The following CASKIN2 variants were observed in gnomAD, a reference collection of about 807,000 sequenced individuals.
The protein encoded by CASKIN2 is caskin-2.
Under a neutral mutation model 107.1 loss-of-function variants are expected in CASKIN2, and 41 were observed. The observed-to-expected ratio is 0.38, with a 90% CI of 0.30 to 0.50. CASKIN2 has a LOEUF of 0.50. Among genes scored for constraint, CASKIN2 ranks in the 20% least tolerant of loss-of-function variants. The pLI is 0.92. For synonymous variants in CASKIN2, 724 were observed against 705.6 expected (o/e 1.03, Z -0.41); for missense variants, 1,546 against 1,657.4 (o/e 0.93, Z 1.17).
intron 3 of CASKIN2, 34 bp from the exon 4 acceptor site, chr17:75,507,715 G>A: frequency 2.0e-6 from 3 of 1,526,700 alleles, no homozygotes; most frequent in South Asian, 1.1e-5. Flanking sequence ...AGGGGTGTTG[G>A]TGGGCAGCCC....
chr17:75,513,328 C>G (rs1314974598), intron 2 of CASKIN2, among the ~76,000 whole-genome samples: 2 of 152,064 alleles, frequency 1.3e-5, no homozygotes, highest in Non-Finnish European at 2.9e-5. Context: ...ACCTGTAATC[C>G]CAGCTACTAG....
rs2053173042 is a variant in CASKIN2 at position 75,501,026 on chromosome 17, G to T, written c.*54C>A. On this transcript the variant is annotated 3_prime_UTR_variant, in exon 20 of 20. Coordinates refer to ENST00000321617, the MANE Select transcript of CASKIN2 (RefSeq NM_020753.5). ...CTAGGGTGGCAGGGGCCTCTTCTGT[G>T]CTGGGGCAAAGGCAGTGGACTTCGG... 14 of 1,512,388 alleles carry T rather than the reference G, an allele frequency of 9.3e-6. 1 individual carries two copies. In the South Asian group the frequency reaches 1.6e-4, roughly 17 times the overall value. 93.7% of individuals were successfully genotyped at this position (1,512,388 alleles called of 1,614,324 possible).
chr17:75,506,392 G>C lies in CASKIN2; in HGVS notation c.639C>G (p.Ile213Met). 6.2e-7 allele frequency: 1 copy of C among 1,610,670 alleles called. No individual in the cohort carries two copies. Among genetic ancestry groups the C allele is most frequent in the Non-Finnish European group, 8.5e-7 (1 of 1,179,912 alleles). Residue 213 changes from isoleucine to methionine, a missense_variant, in exon 8 of 20, where the codon ATC (isoleucine) becomes ATG (methionine). Ile to Met is a conservative substitution (Grantham distance 10). Transcript: ENST00000321617. The surrounding 1 kb of genome is among the most constrained non-coding windows in gnomAD (Gnocchi z 4.8). ...EVIRQLLRAG[I>M]EINRQTKTGT... ...CCGTCTTGGTCTGGCGGTTGATCTCGATCCCAGCTCTCAGGAGCTGCCTGC... is the reference window on the plus strand; with the variant it reads ...CCGTCTTGGTCTGGCGGTTGATCTCCATCCCAGCTCTCAGGAGCTGCCTGC...
chr17:75,503,857 G>C lies in CASKIN2; in HGVS notation c.1573C>G (p.Pro525Ala). 1 of 1,612,724 alleles carries C rather than the reference G, an allele frequency of 6.2e-7. No homozygotes were observed. Among genetic ancestry groups the C allele is most frequent in the Non-Finnish European group, 8.5e-7 (1 of 1,179,910 alleles). The change falls in exon 15 of 20, where the codon CCT (proline) becomes GCT (alanine). Residue 525 changes from proline (P) to alanine (A), a missense_variant. Transcript: ENST00000321617. ...TTCCCGGCTGCAGCACCCACCTCAG[G>C]TGTCATGCGGCTGATGGTAGGCACA... is the stretch of plus-strand genomic sequence containing the variant. The part of the protein sequence containing the change: ...YDVPTISRMT[P>A]EDLTAIGVTK...
chr17:75,512,472 C>G (rs2053322834), intron 2 of CASKIN2, among the ~76,000 whole-genome samples: 1 of 152,204 alleles, frequency 6.6e-6, no homozygotes, highest in Non-Finnish European at 1.5e-5. Context: ...ACAGCCCGGT[C>G]AGGTCTCGAG....
At chr17:75,509,326 A>G (rs925376983) in intron 2 of CASKIN2, among the ~76,000 whole-genome samples, 2 of 152,138 alleles carry the variant, frequency 1.3e-5, no homozygotes, top group Non-Finnish European at 2.9e-5. Flanking sequence ...CAGGCTGGGC[A>G]GAGTGCCAAG....
intron 17 of CASKIN2, 21 bp from the exon 18 acceptor site, chr17:75,503,275 G>T (rs1186131519): frequency 1.3e-6 from 2 of 1,575,710 alleles, no homozygotes; most frequent in Admixed American, 1.7e-5. Flanking sequence ...GGACGGAAGT[G>T]GCAAGGTTAG....
chr17:75,514,981 C>G (rs2147001759), intron 1 of CASKIN2, among the ~76,000 whole-genome samples: 1 of 150,322 alleles, frequency 6.7e-6, no homozygotes, highest in South Asian at 2.2e-4. Context: ...GAATTTACTG[C>G]CAGAGTCTTG....
rs2053252538 is a variant in CASKIN2 at position 75,505,214 on chromosome 17, G to A, written c.931-141C>T. 2 of 969,416 alleles carry A rather than the reference G, an allele frequency of 2.1e-6. No individual in the cohort carries two copies. Among genetic ancestry groups the A allele is most frequent in the Non-Finnish European group, 3.1e-6 (2 of 642,456 alleles). The allele number at this position is 969,416 out of a possible 1,614,324, so 60.1% of individuals were successfully genotyped here. On this transcript the variant is annotated intron_variant, in intron 10 of 19. Coordinates refer to ENST00000321617, the MANE Select transcript of CASKIN2 (RefSeq NM_020753.5). The surrounding 1 kb of genome is among the most constrained non-coding windows in gnomAD (Gnocchi z 5.1). ...GGAGCTGGCCTCTGATGCCCACACT[G>A]GCCCAAGTTCCGCCCCTGCTGCCAG... is the stretch of plus-strand genomic sequence containing the variant.
At chr17:75,501,380 T>A (rs2053180771) in intron 19 of CASKIN2, 88 bp downstream of exon 19, 21 of 1,442,588 alleles carry the variant, frequency 1.5e-5, no homozygotes, top group Non-Finnish European at 2.0e-5. Flanking sequence ...AATGTCCCCC[T>A]CCAACATCCC....
chr17:75,505,233 C>T lies in CASKIN2; in HGVS notation c.931-160G>A. The stretch of plus-strand genomic sequence containing the variant: ...CACACTGGCCCAAGTTCCGCCCCTG[C>T]TGCCAGCAGCCAGCTCAATCTCCCC... On this transcript the variant is annotated intron_variant, in intron 10 of 19. Coordinates refer to ENST00000321617, the MANE Select transcript of CASKIN2 (RefSeq NM_020753.5). The surrounding 1 kb of genome is among the most constrained non-coding windows in gnomAD (Gnocchi z 5.1). 2 of 812,354 alleles carry T rather than the reference C, an allele frequency of 2.5e-6. No individual in the cohort carries two copies. Among genetic ancestry groups the T allele is most frequent in the South Asian group, 1.7e-5 (1 of 60,182 alleles). 50.3% of individuals were successfully genotyped at this position (812,354 alleles called of 1,614,324 possible).
rs377727436 is a variant in CASKIN2 at position 75,505,478 on chromosome 17, G to A, written c.930+79C>T. The A allele has an allele frequency of 4.9e-5, 65 of 1,328,500 alleles. No individual in the cohort carries two copies. Among genetic ancestry groups the A allele is most frequent in the African/African-American group, 3.6e-4 (25 of 69,310 alleles). The allele number at this position is 1,328,500 out of a possible 1,614,324, so 82.3% of individuals were successfully genotyped here. ...GCATATAGAGACCTCAGAGCAGAAC[G>A]TGGTAACATAGCAGGTGCCCAAATA... On this transcript the variant is annotated intron_variant, in intron 10 of 19. Transcript: ENST00000321617. The surrounding 1 kb of genome is among the most constrained non-coding windows in gnomAD (Gnocchi z 5.1).
At position 75,502,717 on chromosome 17, in the gene CASKIN2, G is replaced by T. The variant is rs1490223401; in HGVS notation, c.2357C>A (p.Ala786Asp). Reference protein sequence around the residue: ...WAFSYLAGPPATPPDPPRPKR... With the variant: ...WAFSYLAGPPDTPPDPPRPKR... ...AGGTCGAGGCGGGTCTGGGGGAGTG[G>T]CAGGGGGCCCGGCCAAGTAGGAGAA... is the stretch of plus-strand genomic sequence containing the variant. The change falls in exon 18 of 20, where the codon GCC (alanine) becomes GAC (aspartate). Residue 786 changes from alanine to aspartate, a missense_variant. Ala to Asp is a moderately radical substitution (Grantham distance 126). Coordinates refer to ENST00000321617, the MANE Select transcript of CASKIN2 (RefSeq NM_020753.5). The surrounding 1 kb of genome is among the most constrained non-coding windows in gnomAD (Gnocchi z 4.3). 1.9e-6 allele frequency: 3 copies of T among 1,578,352 alleles called. No homozygotes were observed. Among genetic ancestry groups the T allele is most frequent in the Non-Finnish European group, 2.6e-6 (3 of 1,160,784 alleles).
chr17:75,500,710 C>T lies in CASKIN2; in HGVS notation c.*370G>A. 3.8e-6 allele frequency: 1 copy of T among 265,642 alleles called. No homozygotes were observed. Among genetic ancestry groups the T allele is most frequent in the Admixed American group, 5.0e-5 (1 of 19,834 alleles). The allele number at this position is 265,642 out of a possible 1,614,324, so 16.5% of individuals were successfully genotyped here. On this transcript the variant is annotated 3_prime_UTR_variant, in exon 20 of 20. Transcript: ENST00000321617. ...TGGGTGGCAAGAGGCATTCCCTTGG[C>T]ACAACTTGGGACATGGGCTGGGGGG...
rs2053226764 is a variant in CASKIN2, at chr17:75,503,460, C to CCGA, written c.1747_1748insTCG (p.Ser582_Gly583insVal). On this transcript the variant is annotated inframe_insertion, in exon 17 of 20. Transcript: ENST00000321617. ...GGCCACCAGCCCCATGGAGTCGTAG[C>CCGA]CGCTGCTCACCAGCTGCTTGTGGTA... 1.2e-6 allele frequency: 2 copies of CCGA among 1,612,718 alleles called. No individual in the cohort carries two copies. The highest frequency in any genetic ancestry group is 8.5e-7 in the Non-Finnish European group (1 of 1,179,960).
At chr17:75,514,366 G>A (rs1298986522) in intron 1 of CASKIN2, among the ~76,000 whole-genome samples, 158 bp from the exon 2 acceptor site, 2 of 152,136 alleles carry the variant, frequency 1.3e-5, no homozygotes, top group East Asian at 3.9e-4. Context: ...ACTGAAAGTG[G>A]GGAGGAAGCT....
rs1420478965 is a variant in CASKIN2 at position 75,501,154 on chromosome 17, T to C, written c.3535A>G (p.Thr1179Ala). ...CTGATGTCATCCAGAATGTGCTTGG[T>C]GGAGGCGCTGGGGGTGCTGCAGCAA... ...KEQEGTPSAS[T>A]KHILDDISTM... Residue 1179 changes from threonine (T) to alanine (A), a missense_variant, in exon 20 of 20, where the codon ACC becomes GCC. Physicochemically the swap from Thr to Ala is moderately conservative, Grantham distance 58. This residue lies in a region of CASKIN2 where 1,311 missense variants were observed against 1,311.0 expected (regional missense o/e 1.00). Transcript: ENST00000321617. 5 of 1,589,488 alleles carry C rather than the reference T, an allele frequency of 3.1e-6. No individual in the cohort carries two copies. In the South Asian group the frequency reaches 5.7e-5, roughly 18 times the overall value.
chr17:75,514,407 G>C (rs2053339307), intron 1 of CASKIN2, among the ~76,000 whole-genome samples, 199 bp from the exon 2 acceptor site: 1 of 152,106 alleles, frequency 6.6e-6, no homozygotes, highest in Admixed American at 6.5e-5. Flanking sequence ...TGGTGGGGGG[G>C]AGGTGGCATT....
At chr17:75,507,217 T>C (rs1401068761) in intron 4 of CASKIN2, 88 bp from the exon 5 acceptor site, 1 of 1,442,708 alleles carries the variant, frequency 6.9e-7, no homozygotes, top group Non-Finnish European at 9.2e-7. Flanking sequence ...CCAGCCCAGC[T>C]GGGAGGGCAG....
Sources: gnomAD v4.1 joint callset for allele counts (sites outside exome capture counted in the v4.1 genomes callset) on GRCh38, gnomAD v4.1.1 for gene constraint, gnomAD v4.1.1 regional missense constraint, Gnocchi (gnomAD v3.1) non-coding constraint, MANE v1.5 for transcripts, NCBI Gene and HGNC (gene_info 2026-07-23, HGNC 2026-07-21) for gene names.